OXR1: variants seen among roughly 807,000 people sequenced by gnomAD.
OXR1 encodes oxidation resistance protein 1.
A neutral mutation model predicts 104.6 loss-of-function variants in OXR1; 41 were observed. The observed-to-expected ratio is 0.39, with a 90% CI of 0.31 to 0.51. The LOEUF (loss-of-function observed/expected upper bound fraction) is 0.51, where lower values mean the gene tolerates loss of function less well. Ranked by LOEUF, OXR1 falls within the 20% of genes least tolerant of loss-of-function variation. The pLI, the probability that OXR1 is intolerant of heterozygous loss-of-function variation, is 0.77. For missense variants in OXR1, 955 were observed against 1,031.9 expected (o/e 0.93, Z 1.02); for synonymous variants, 348 against 348.4 (o/e 1.00, Z 0.01).
intron 3 of OXR1, among the ~76,000 whole-genome samples, chr8:106,587,746 C>T (rs913500060): frequency 6.6e-6 from 1 of 152,008 alleles, no homozygotes; most frequent in Non-Finnish European, 1.5e-5. Flanking sequence ...TCTCTTCTTG[C>T]ATGTTTTCTT....
chr8:106,672,815 T>C (rs1827182181), intron 3 of OXR1, among the ~76,000 whole-genome samples: 1 of 152,186 alleles, frequency 6.6e-6, no homozygotes, highest in Admixed American at 6.5e-5. Flanking sequence ...TGATAATTCC[T>C]CCTGCCTTTA....
intron 3 of OXR1, among the ~76,000 whole-genome samples, chr8:106,645,237 C>A (rs1178935713): frequency 6.6e-6 from 1 of 152,156 alleles, no homozygotes; most frequent in Admixed American, 6.5e-5. Flanking sequence ...TATCCCCAAC[C>A]CTTCCTTCCG....
chr8:106,702,886 A>G lies in OXR1; in HGVS notation c.676-20A>G, dbSNP rs890860221. ...GTATCAACCTTGAGGATTAAATGTT[A>G]CTTTCTTTTTTCACCTTAGGGCACA... On this transcript the variant is annotated intron_variant, in intron 7 of 16. Coordinates refer to ENST00000517566, the MANE Select transcript of OXR1 (RefSeq NM_001198533.2). The G allele has an allele frequency of 3.2e-6, 5 of 1,583,170 alleles. No individual in the cohort carries two copies. The Admixed American group carries it at 7.0e-5, about 22-fold the overall frequency.
At chr8:106,631,987 G>A (rs1226619767) in intron 3 of OXR1, among the ~76,000 whole-genome samples, 1 of 152,082 alleles carries the variant, frequency 6.6e-6, no homozygotes, top group Non-Finnish European at 1.5e-5. Flanking sequence ...TATGATCAGA[G>A]GCCCTGGGAA....
chr8:106,322,538 C>T (rs900781113), intron 1 of OXR1, among the ~76,000 whole-genome samples: 1 of 152,066 alleles, frequency 6.6e-6, no homozygotes, highest in Admixed American at 6.6e-5. Context: ...CTAACCAAAA[C>T]AATCAGGCAG....
intron 3 of OXR1, chr8:106,605,074 G>A (rs1820264708): frequency 6.6e-6 from 1 of 152,182 alleles, no homozygotes; most frequent in South Asian, 2.1e-4. Flanking sequence ...CAAGTTGAAG[G>A]AGGTGAGAGC....
chr8:106,551,365 A>T (rs1563599114), intron 3 of OXR1, among the ~76,000 whole-genome samples: 1 of 152,244 alleles, frequency 6.6e-6, no homozygotes, highest in Non-Finnish European at 1.5e-5. Context: ...GAGCCACAGA[A>T]AATCCACTTG....
intron 1 of OXR1, among the ~76,000 whole-genome samples, chr8:106,293,837 T>A (rs1812860411): frequency 6.6e-6 from 1 of 152,166 alleles, no homozygotes; most frequent in Non-Finnish European, 1.5e-5. Context: ...TTTCATGACC[T>A]AAACACTTCC....
chr8:106,322,424 A>G lies in OXR1; in HGVS notation c.-138-37052A>G, dbSNP rs1436475618. 2.0e-5 allele frequency among the ~76,000 whole-genome samples: 3 copies of G among 152,338 alleles called. No homozygotes were observed. In the East Asian group the frequency reaches 5.8e-4, roughly 29 times the overall value. On this transcript the variant is annotated intron_variant, in intron 1 of 16. Coordinates refer to ENST00000517566, the MANE Select transcript of OXR1 (RefSeq NM_001198533.2). ...AAAACAACAAGAGCCATCTATATCA[A>G]GCCCACAGCCAACATTATACTGAAT...
chr8:106,364,783 T>G (rs1224993646), intron 2 of OXR1, among the ~76,000 whole-genome samples: 1 of 152,168 alleles, frequency 6.6e-6, no homozygotes, highest in Non-Finnish European at 1.5e-5. Context: ...GCACCTGCAT[T>G]TAGGATGAGA....
Position 106,750,788 on chromosome 8 carries a change from ATTAT to A in OXR1, c.2487-13_2487-10del. ...CTTAAGGCATAAATATTAACAGATT[ATTAT>A]TTATGTATTGCAGAGGAGAATTTGC... On this transcript the variant is annotated splice_polypyrimidine_tract_variant and intron_variant, in intron 16 of 16. Coordinates refer to ENST00000517566, the MANE Select transcript of OXR1 (RefSeq NM_001198533.2). 1.3e-6 allele frequency: 2 copies of A among 1,550,002 alleles called. No individual in the cohort carries two copies. Among genetic ancestry groups the A allele is most frequent in the Non-Finnish European group, 1.8e-6 (2 of 1,141,324 alleles).
intron 7 of OXR1, chr8:106,697,983 C>G: frequency 3.1e-6 from 5 of 1,613,048 alleles, no homozygotes; most frequent in Non-Finnish European, 4.2e-6. Flanking sequence ...CCTCCTGGCT[C>G]AGGCCATAAT....
intron 2 of OXR1, among the ~76,000 whole-genome samples, chr8:106,468,931 A>G (rs764394232): frequency 2.0e-5 from 3 of 151,652 alleles, no homozygotes; most frequent in Non-Finnish European, 3.0e-5. Flanking sequence ...GTCAGTCGCC[A>G]TAAGAAACTG....
At chr8:106,432,136 C>T (rs891887743) in intron 2 of OXR1, among the ~76,000 whole-genome samples, 2 of 152,304 alleles carry the variant, frequency 1.3e-5, no homozygotes, top group South Asian at 2.1e-4. Context: ...CTTGCTACTT[C>T]CCTAGTGCAT....
intron 2 of OXR1, among the ~76,000 whole-genome samples, chr8:106,367,390 T>C (rs1446284889): frequency 3.3e-5 from 5 of 152,124 alleles, no homozygotes; most frequent in Non-Finnish European, 7.3e-5. Context: ...GGTAGGTTCA[T>C]TGATATGAGC....
chr8:106,708,688 G>A (rs1243901808), intron 9 of OXR1, among the ~76,000 whole-genome samples: 1 of 152,012 alleles, frequency 6.6e-6, no homozygotes, highest in African/African-American at 2.4e-5. Context: ...GGACATTTTG[G>A]TTGTTTCAAC....
chr8:106,687,810 A>G (rs772202789), intron 6 of OXR1, among the ~76,000 whole-genome samples: 4 of 152,164 alleles, frequency 2.6e-5, no homozygotes, highest in Non-Finnish European at 4.4e-5. Context: ...AAACAGAGGA[A>G]GAGAAGTTAA....
At chr8:106,542,441 G>A (rs1287723541) in intron 3 of OXR1, among the ~76,000 whole-genome samples, 1 of 152,040 alleles carries the variant, frequency 6.6e-6, no homozygotes, top group East Asian at 1.9e-4. Context: ...TCCTAAACAT[G>A]AAATTCTTAT....
At chr8:106,430,200 A>G (rs1819304340) in intron 2 of OXR1, among the ~76,000 whole-genome samples, 1 of 152,190 alleles carries the variant, frequency 6.6e-6, no homozygotes, top group South Asian at 2.1e-4. Flanking sequence ...AAGGAACTTT[A>G]TGTGTTATGT....
Sources: allele counts gnomAD v4.1 joint callset (sites outside exome capture counted in the v4.1 genomes callset), GRCh38; gene constraint gnomAD v4.1.1; transcripts MANE v1.5; gene names NCBI Gene and HGNC (gene_info 2026-07-23, HGNC 2026-07-21).